The following RGS5 variants were observed in gnomAD, a reference collection of about 807,000 sequenced individuals.
RGS5 encodes regulator of G-protein signalling 5.
Under a neutral mutation model 18.9 loss-of-function variants are expected in RGS5, and 20 were observed. That is an observed-to-expected ratio of 1.06 (90% confidence interval 0.74 to 1.54). The LOEUF (loss-of-function observed/expected upper bound fraction) is 1.54, where lower values mean the gene tolerates loss of function less well. Among genes scored for constraint, RGS5 ranks in the 40% most tolerant of loss-of-function variants. The pLI, the probability that RGS5 is intolerant of heterozygous loss-of-function variation, is 0.00. For missense variants in RGS5, 201 were observed against 211.8 expected, an observed-to-expected ratio of 0.95 and a Z score of 0.32; for synonymous variants, 57 against 76.2, an observed-to-expected ratio of 0.75 and a Z score of 1.31.
chr1:163,247,780 CA>C (rs1432881878), intron 2 of RGS5, among the ~76,000 whole-genome samples: 2 of 151,934 alleles, frequency 1.3e-5, no homozygotes, highest in Non-Finnish European at 2.9e-5. Context: ...ATAGAGCCAC[CA>C]ATATTTTATT....
chr1:163,229,845 T>C (rs1050722078), intron 2 of RGS5, among the ~76,000 whole-genome samples: 3 of 152,236 alleles, frequency 2.0e-5, no homozygotes, highest in Non-Finnish European at 2.9e-5. Flanking sequence ...AACATTTGGG[T>C]TCCCTAAGGG....
chr1:163,173,087 T>C (rs1180929114), intron 1 of RGS5, among the ~76,000 whole-genome samples: 2 of 152,138 alleles, frequency 1.3e-5, no homozygotes, highest in African/African-American at 4.8e-5. Flanking sequence ...AACAACACCA[T>C]CCAGAGAAGA....
intron 4 of RGS5, among the ~76,000 whole-genome samples, chr1:163,147,769 C>T (rs1054768501): frequency 6.8e-6 from 1 of 146,774 alleles, no homozygotes; most frequent in Non-Finnish European, 1.5e-5. Flanking sequence ...TCCTTGACAA[C>T]AATCCTAAGA....
intron 2 of RGS5, among the ~76,000 whole-genome samples, chr1:163,278,675 T>C (rs779586235): frequency 1.3e-5 from 2 of 152,050 alleles, no homozygotes; most frequent in Non-Finnish European, 2.9e-5. Flanking sequence ...GTTAACAAAG[T>C]GACAGGAGTA....
intron 1 of RGS5, among the ~76,000 whole-genome samples, chr1:163,178,994 C>T (rs79271011): frequency 0.013 from 1,921 of 152,306 alleles, 25 homozygotes; most frequent in Non-Finnish European, 0.018. Flanking sequence ...ATCTTCCCCA[C>T]ATTTGAGAGA....
At chr1:163,234,628 T>A (rs1021363041) in intron 2 of RGS5, among the ~76,000 whole-genome samples, 1 of 152,364 alleles carries the variant, frequency 6.6e-6, no homozygotes, top group East Asian at 1.9e-4. Flanking sequence ...TGTAAAGCCA[T>A]CTGAGCCAGT....
At chr1:163,151,443 C>T (rs1049468130) in intron 4 of RGS5, among the ~76,000 whole-genome samples, 4 of 152,132 alleles carry the variant, frequency 2.6e-5, no homozygotes, top group Non-Finnish European at 5.9e-5. Flanking sequence ...TTAATCAGTT[C>T]GGACACTGAG....
intron 1 of RGS5, among the ~76,000 whole-genome samples, chr1:163,168,879 T>C (rs1658173973): frequency 6.6e-6 from 1 of 152,258 alleles, no homozygotes; most frequent in East Asian, 1.9e-4. Context: ...ATTATTATTA[T>C]ACTTTAAGTT....
chr1:163,251,412 A>G (rs915080684), intron 2 of RGS5, among the ~76,000 whole-genome samples: 2 of 152,186 alleles, frequency 1.3e-5, no homozygotes, highest in Admixed American at 1.3e-4. Context: ...AGAAAAGAGA[A>G]AAATCAACCC....
chr1:163,299,002 C>T (rs116379373), intron 2 of RGS5, among the ~76,000 whole-genome samples: 208 of 150,268 alleles, frequency 1.4e-3, no homozygotes, highest in African/African-American at 5.0e-3. Context: ...GAGAGGATGG[C>T]CATTTGTGTT....
chr1:163,246,231 A>ATT (rs1647932270), intron 2 of RGS5, among the ~76,000 whole-genome samples: 1 of 149,586 alleles, frequency 6.7e-6, no homozygotes, highest in African/African-American at 2.5e-5. Context: ...AAAAAAAAAA[A>ATT]AATTAATTAA....
At chr1:163,221,297 C>T (rs186387689), upstream of RGS5, among the ~76,000 whole-genome samples, 669 of 152,138 alleles carry the variant, frequency 4.4e-3, 2 homozygotes, top group Non-Finnish European at 7.7e-3. Context: ...CAGGAGTTCG[C>T]GACCAGCTTG....
chr1:163,196,625 C>T (rs1034181016), intron 1 of RGS5, among the ~76,000 whole-genome samples: 2 of 152,230 alleles, frequency 1.3e-5, no homozygotes, highest in African/African-American at 4.8e-5. Context: ...AGGAACAGCC[C>T]AGGCAGTACA....
chr1:163,274,424 C>T (rs891781408), intron 2 of RGS5, among the ~76,000 whole-genome samples: 1 of 152,208 alleles, frequency 6.6e-6, no homozygotes, highest in Non-Finnish European at 1.5e-5. Context: ...GGAAAAGAAG[C>T]TCCTGTGCTA....
intron 2 of RGS5, among the ~76,000 whole-genome samples, chr1:163,284,998 G>C (rs1649106452): frequency 6.6e-6 from 1 of 152,118 alleles, no homozygotes; most frequent in African/African-American, 2.4e-5. Flanking sequence ...TAGCAGGTAA[G>C]AAAGAATGAG....
intron 2 of RGS5, among the ~76,000 whole-genome samples, chr1:163,246,364 T>C (rs1403841441): frequency 6.6e-6 from 1 of 150,604 alleles, no homozygotes; most frequent in African/African-American, 2.4e-5. Context: ...AGGTCAGGAG[T>C]TTGAGATCAG....
At chr1:163,319,606 A>G (rs1650130098) in intron 1 of RGS5, among the ~76,000 whole-genome samples, 1 of 152,186 alleles carries the variant, frequency 6.6e-6, no homozygotes, top group Non-Finnish European at 1.5e-5. Context: ...TCCAGCTAAG[A>G]ATTTATAGAC....
chr1:163,154,371 A>G (rs2102385414), intron 3 of RGS5, among the ~76,000 whole-genome samples: 1 of 152,256 alleles, frequency 6.6e-6, no homozygotes, highest in Non-Finnish European at 1.5e-5. Context: ...AATTTTAAAG[A>G]AAAAGAATGG....
chr1:163,162,210 T>C (rs188767353), intron 2 of RGS5, among the ~76,000 whole-genome samples: 1 of 152,196 alleles, frequency 6.6e-6, no homozygotes, highest in African/African-American at 2.4e-5. Flanking sequence ...TTTGGTTAGG[T>C]CTTTCCCTTT....
Sources: gnomAD v4.1 joint callset for allele counts (sites outside exome capture counted in the v4.1 genomes callset) on GRCh38, gnomAD v4.1.1 for gene constraint, MANE v1.5 for transcripts, NCBI Gene and HGNC (gene_info 2026-07-23, HGNC 2026-07-21) for gene names.